Variants in SEMA6A observed in about 807,000 individuals in gnomAD.
The protein encoded by SEMA6A is semaphorin-6A.
In SEMA6A, 25 loss-of-function variants were observed where a neutral mutation model predicts 96.8. The ratio of observed to expected loss-of-function variants is 0.26; its 90% CI spans 0.19 to 0.36. SEMA6A has a LOEUF of 0.36. Ranked by LOEUF, SEMA6A falls within the 10% of genes least tolerant of loss-of-function variation. The pLI is 1.00. For synonymous variants in SEMA6A, 612 were observed against 518.0 expected (o/e 1.18, Z -2.46); for missense variants, 1,363 against 1,323.1 (o/e 1.03, Z -0.47).
intron 1 of SEMA6A, among the ~76,000 whole-genome samples, chr5:116,549,276 C>T (rs1459249213): frequency 1.3e-5 from 2 of 152,100 alleles, no homozygotes; most frequent in Non-Finnish European, 2.9e-5. Flanking sequence ...AATAAGTTCC[C>T]CCATTCCATA....
chr5:116,455,332 G>A (rs1350714616), intron 18 of SEMA6A, among the ~76,000 whole-genome samples: 1 of 152,186 alleles, frequency 6.6e-6, no homozygotes, highest in African/African-American at 2.4e-5. Context: ...GTGGTTTCAT[G>A]TGTTAGAACT....
chr5:116,523,913 G>A (rs184090017), intron 1 of SEMA6A, among the ~76,000 whole-genome samples: 6 of 152,272 alleles, frequency 3.9e-5, no homozygotes, highest in African/African-American at 1.4e-4. Flanking sequence ...GCCACAGCCA[G>A]GGATAATTAG....
intron 1 of SEMA6A, among the ~76,000 whole-genome samples, chr5:116,520,156 G>T (rs1390060301): frequency 1.3e-5 from 2 of 151,816 alleles, no homozygotes; most frequent in Non-Finnish European, 2.9e-5. Flanking sequence ...CTGCCTCATG[G>T]ACTTTCTGCT....
rs1369238247 is a variant in SEMA6A at position 116,530,264 on chromosome 5, A to G, written c.-38-25282T>C. Among the ~76,000 whole-genome samples the G allele has an allele frequency of 2.6e-5, 4 of 152,310 alleles. No individual in the cohort carries two copies. In the East Asian group the frequency reaches 7.7e-4, roughly 29 times the overall value. Reference sequence around the variant, plus strand: ...GCACTATTGCTTCCAGTAATTAGTAAAAGACATTATAATCTGTACGGAGAG... The same window carrying G: ...GCACTATTGCTTCCAGTAATTAGTAGAAGACATTATAATCTGTACGGAGAG... On this transcript the variant is annotated intron_variant, in intron 1 of 18. Transcript: ENST00000343348.
chr5:116,471,049 G>A (rs1756105185), intron 17 of SEMA6A: 1 of 152,114 alleles, frequency 6.6e-6, no homozygotes, highest in Non-Finnish European at 1.5e-5. Context: ...ATTTTAAAAA[G>A]TTGCCAATAT....
At chr5:116,568,939 GATAAA>G (rs1234900986) in intron 1 of SEMA6A, among the ~76,000 whole-genome samples, 5 of 152,256 alleles carry the variant, frequency 3.3e-5, no homozygotes, top group African/African-American at 9.6e-5. Context: ...AGACAAAATA[GATAAA>G]ATAAAGACTA....
chr5:116,500,281 G>C (rs1757813730), intron 3 of SEMA6A, among the ~76,000 whole-genome samples: 1 of 152,202 alleles, frequency 6.6e-6, no homozygotes, highest in Non-Finnish European at 1.5e-5. Context: ...GGGAATGACA[G>C]CATGGACTCT....
chr5:116,502,527 T>C (rs1192407541), intron 2 of SEMA6A, 200 bp from the exon 3 acceptor site: 11 of 530,746 alleles, frequency 2.1e-5, no homozygotes, highest in Middle Eastern at 4.9e-4. Flanking sequence ...AGTTACACTT[T>C]CATTTCTAGA....
intron 1 of SEMA6A, among the ~76,000 whole-genome samples, chr5:116,540,492 T>A (rs1393353944): frequency 6.6e-6 from 1 of 152,228 alleles, no homozygotes; most frequent in Non-Finnish European, 1.5e-5. Context: ...TGGCCATTCC[T>A]CCTGGGAAGG....
intron 18 of SEMA6A, among the ~76,000 whole-genome samples, chr5:116,448,119 G>A (rs1436294477): frequency 6.7e-6 from 1 of 148,738 alleles, no homozygotes; most frequent in African/African-American, 2.5e-5. Context: ...GGATCACGAG[G>A]TCAGGAGTTG....
intron 1 of SEMA6A, among the ~76,000 whole-genome samples, chr5:116,513,824 C>T (rs924927489): frequency 2.6e-5 from 4 of 152,028 alleles, no homozygotes; most frequent in East Asian, 1.9e-4. Flanking sequence ...TGTTCTTCCC[C>T]GTGTGTCCAT....
intron 1 of SEMA6A, among the ~76,000 whole-genome samples, chr5:116,512,017 TCA>T: frequency 6.6e-6 from 1 of 152,178 alleles, no homozygotes; most frequent in African/African-American, 2.4e-5. Context: ...GAGACCTGCT[TCA>T]CAGAGGCTGG....
chr5:116,455,127 T>C (rs1474580461), intron 18 of SEMA6A, among the ~76,000 whole-genome samples: 1 of 152,182 alleles, frequency 6.6e-6, no homozygotes, highest in Non-Finnish European at 1.5e-5. Context: ...TTCATTCTAT[T>C]TCATTTTTTT....
chr5:116,552,868 A>G (rs750868151), intron 1 of SEMA6A, among the ~76,000 whole-genome samples: 2 of 152,210 alleles, frequency 1.3e-5, no homozygotes, highest in Non-Finnish European at 2.9e-5. Flanking sequence ...AAAATTTTAA[A>G]GAGTAAAATC....
chr5:116,549,479 AG>A (rs1390483582), intron 1 of SEMA6A, among the ~76,000 whole-genome samples: 1 of 152,202 alleles, frequency 6.6e-6, no homozygotes, highest in Non-Finnish European at 1.5e-5. Flanking sequence ...CTAAAACCCC[AG>A]GGACCCATGG....
chr5:116,516,363 T>C (rs1335692060), intron 1 of SEMA6A, among the ~76,000 whole-genome samples: 4 of 152,196 alleles, frequency 2.6e-5, no homozygotes, highest in Non-Finnish European at 5.9e-5. Flanking sequence ...TTTCTATAAT[T>C]TTCCCACATT....
intron 1 of SEMA6A, among the ~76,000 whole-genome samples, chr5:116,564,034 C>T (rs919603487): frequency 3.9e-5 from 6 of 152,182 alleles, no homozygotes; most frequent in Non-Finnish European, 7.3e-5. Flanking sequence ...CCTAGAAGCC[C>T]GGTGAAACCA....
chr5:116,464,770 C>A (rs1424117798), intron 18 of SEMA6A, among the ~76,000 whole-genome samples: 10 of 152,166 alleles, frequency 6.6e-5, no homozygotes, highest in Non-Finnish European at 1.5e-4. Context: ...AAAAACGCAG[C>A]AAACATACTC....
At chr5:116,470,797 G>A (rs1052100795) in intron 17 of SEMA6A, among the ~76,000 whole-genome samples, 1 of 152,186 alleles carries the variant, frequency 6.6e-6, no homozygotes, top group African/African-American at 2.4e-5. Context: ...GCCACAGAGT[G>A]CAGGACATGC....
Sources: gnomAD v4.1 joint callset for allele counts (sites outside exome capture counted in the v4.1 genomes callset) on GRCh38, gnomAD v4.1.1 for gene constraint, MANE v1.5 for transcripts, NCBI Gene and HGNC (gene_info 2026-07-23, HGNC 2026-07-21) for gene names.